Variants in IL17D observed in about 807,000 individuals in gnomAD.
The protein encoded by IL17D is interleukin-17D.
In IL17D, 10 loss-of-function variants were observed where a neutral mutation model predicts 5.7. The observed-to-expected ratio is 1.75, with a 90% CI of 1.08 to 2.97. IL17D has a LOEUF of 2.97. Among genes scored for constraint, IL17D ranks in the 30% most tolerant of loss-of-function variants. The pLI is 0.00. For missense variants in IL17D, 354 were observed against 292.7 expected (o/e 1.21, Z -1.53); for synonymous variants, 172 against 141.7 (o/e 1.21, Z -1.52).
chr13:20,703,912 C>T lies in IL17D; in HGVS notation c.-90C>T. ...GGCGAGGGGAGGCGCCCGCCGGCTC[C>T]GGGCGCCGCGGGCGGGACACGGGCG... On this transcript the variant is annotated 5_prime_UTR_variant, in exon 1 of 2. Coordinates refer to ENST00000682841, the MANE Select transcript of IL17D (RefSeq NM_001385224.1). 1.4e-6 allele frequency: 1 copy of T among 729,364 alleles called. No individual in the cohort carries two copies. 45.2% of individuals were successfully genotyped at this position (729,364 alleles called of 1,614,324 possible). A position where few individuals can be genotyped will look rare whatever the true frequency, so the allele number is the denominator to read the frequency against.
At chr13:20,702,712 AGACCAAGAGAT>A (rs2058554970), upstream of IL17D, 2 of 152,344 alleles carry the variant, frequency 1.3e-5, no homozygotes, top group South Asian at 4.2e-4. Flanking sequence ...TCGTCGTCAT[AGACCAAGAGAT>A]GCCCATGAAC....
chr13:20,718,950 C>T (rs1270075652), intron 1 of IL17D, among the ~76,000 whole-genome samples: 2 of 143,072 alleles, frequency 1.4e-5, no homozygotes, highest in Non-Finnish European at 3.1e-5. Context: ...TCACACCTGC[C>T]TCCACACACC....
intron 1 of IL17D, among the ~76,000 whole-genome samples, chr13:20,706,651 G>A (rs1230202318): frequency 6.6e-6 from 1 of 152,270 alleles, no homozygotes; most frequent in Non-Finnish European, 1.5e-5. Flanking sequence ...ACAATGACTG[G>A]TTGGAGCTCA....
chr13:20,704,322 G>C (rs1489625096), intron 1 of IL17D, 31 bp downstream of exon 1: 39 of 1,173,316 alleles, frequency 3.3e-5, no homozygotes, highest in Non-Finnish European at 4.1e-5. Flanking sequence ...GGCGGGGCCC[G>C]GCAGGTGGGG....
chr13:20,714,768 G>A (rs41404545), intron 1 of IL17D, among the ~76,000 whole-genome samples: 6,085 of 152,240 alleles, frequency 0.04, 396 homozygotes, highest in African/African-American at 0.14. Flanking sequence ...AGAAATGCAC[G>A]ACTGATGTTT....
chr13:20,704,229 G>A lies in IL17D; in HGVS notation c.228G>A (p.Arg76=). Residue 76 remains arginine, a synonymous_variant, in exon 1 of 2, where the codon AGG becomes AGA. Coordinates refer to ENST00000682841, the MANE Select transcript of IL17D (RefSeq NM_001385224.1). ...ARNASCPAGG[R]PADRRFRPPT... ...ACGCGAGCTGCCCGGCAGGGGGCAG[G>A]CCCGCCGACCGCCGCTTCCGGCCGC... is the stretch of plus-strand genomic sequence containing the variant. 2 of 1,325,562 alleles carry A rather than the reference G, an allele frequency of 1.5e-6. No individual in the cohort carries two copies. The highest frequency in any genetic ancestry group is 1.8e-5 in the South Asian group (1 of 56,422). The allele number at this position is 1,325,562 out of a possible 1,614,324, so 82.1% of individuals were successfully genotyped here. A position where few individuals can be genotyped will look rare whatever the true frequency, so the allele number is the denominator to read the frequency against.
intron 1 of IL17D, 84 bp from the exon 2 acceptor site, chr13:20,721,552 T>C: frequency 1.7e-6 from 2 of 1,210,262 alleles, no homozygotes; most frequent in South Asian, 3.1e-5. Context: ...CCCGAGGCCC[T>C]CCCCGGTGAC....
intron 1 of IL17D, among the ~76,000 whole-genome samples, chr13:20,720,770 A>T (rs41496645): frequency 1.3e-5 from 2 of 152,000 alleles, no homozygotes; most frequent in African/African-American, 4.8e-5. Context: ...TTCCGCAAGC[A>T]CAAGAGGTGG....
chr13:20,707,440 C>CAAAAA (rs57118714), intron 1 of IL17D, among the ~76,000 whole-genome samples: 2 of 75,832 alleles, frequency 2.6e-5, no homozygotes, highest in African/African-American at 5.1e-5. Flanking sequence ...GAACTTGTCT[C>CAAAAA]AAAAAAAAAA....
At chr13:20,715,674 G>A (rs552708948) in intron 1 of IL17D, among the ~76,000 whole-genome samples, 32 of 152,238 alleles carry the variant, frequency 2.1e-4, no homozygotes, top group African/African-American at 7.0e-4. Flanking sequence ...TTAAGTCTGA[G>A]AATTTGCATT....
chr13:20,721,962 C>A lies in IL17D; in HGVS notation c.*8C>A. On this transcript the variant is annotated 3_prime_UTR_variant, in exon 2 of 2. Coordinates refer to ENST00000682841, the MANE Select transcript of IL17D (RefSeq NM_001385224.1). The stretch of plus-strand genomic sequence containing the variant: ...GCGCCCGCTGGCCCCTGAGGCCGGT[C>A]CTGCCCCGGGAGGTCTCCCCGGCCC... 2 of 1,577,432 alleles carry A rather than the reference C, an allele frequency of 1.3e-6. No individual in the cohort carries two copies. Among genetic ancestry groups the A allele is most frequent in the Non-Finnish European group, 1.7e-6 (2 of 1,166,948 alleles).
chr13:20,712,319 T>A (rs1220095643), intron 1 of IL17D: 2 of 152,416 alleles, frequency 1.3e-5, no homozygotes, highest in Non-Finnish European at 2.9e-5. Flanking sequence ...CCGGGTGCAG[T>A]GGCTCATGCC....
At chr13:20,718,233 A>G (rs111684996) in intron 1 of IL17D, among the ~76,000 whole-genome samples, 8 of 152,246 alleles carry the variant, frequency 5.3e-5, no homozygotes, top group African/African-American at 1.7e-4. Flanking sequence ...GCAAGATCAC[A>G]TACAGACTAA....
chr13:20,722,546 A>C lies in IL17D; in HGVS notation c.*592A>C, dbSNP rs1457876185. The C allele has an allele frequency of 5.3e-5, 8 of 151,922 alleles. No homozygotes were observed. Among genetic ancestry groups the C allele is most frequent in the Admixed American group, 5.2e-4 (8 of 15,252 alleles). The allele number at this position is 151,922 out of a possible 1,614,324, so 9.4% of individuals were successfully genotyped here. On this transcript the variant is annotated 3_prime_UTR_variant, in exon 2 of 2. Transcript: ENST00000682841. ...CTTGGATAAATTTTGTAGCTGGTAC[A>C]CTCTGGCCTGGGTCTCTGAATTCAG...
Position 20,722,503 on chromosome 13 carries a change from T to A in IL17D, c.*549T>A, listed in dbSNP as rs191818092. The A allele has an allele frequency of 2.6e-5, 4 of 152,308 alleles. No individual in the cohort carries two copies. Among genetic ancestry groups the A allele is most frequent in the African/African-American group, 9.6e-5 (4 of 41,460 alleles). 9.4% of individuals were successfully genotyped at this position (152,308 alleles called of 1,614,324 possible). ...TTTTACTTCTTCTGGTAGAATTTTT[T>A]AAAGCATAATTGGAATCCTTGGATA... is the stretch of plus-strand genomic sequence containing the variant. On this transcript the variant is annotated 3_prime_UTR_variant, in exon 2 of 2. Transcript: ENST00000682841.
At chr13:20,702,290 G>C (rs1436169173), upstream of IL17D, 1 of 152,182 alleles carries the variant, frequency 6.6e-6, no homozygotes, top group Non-Finnish European at 1.5e-5. Context: ...TTTAGCAGTA[G>C]ATTACTAAGC....
At chr13:20,718,951 T>C (rs1467247686) in intron 1 of IL17D, among the ~76,000 whole-genome samples, 468 of 49,534 alleles carry the variant, frequency 9.4e-3, no homozygotes, top group Middle Eastern at 0.019. Context: ...CACACCTGCC[T>C]CCACACACCT....
upstream of IL17D, chr13:20,702,990 G>C (rs368312556): frequency 1.3e-5 from 2 of 152,254 alleles, no homozygotes; most frequent in Non-Finnish European, 2.9e-5. Flanking sequence ...CCTTAATAGA[G>C]AAATCTCTCT....
At chr13:20,704,387 G>A (rs1246705171) in intron 1 of IL17D, 96 bp downstream of exon 1, 10 of 264,848 alleles carry the variant, frequency 3.8e-5, no homozygotes, top group African/African-American at 1.1e-4. Flanking sequence ...CGGGCAGGCG[G>A]GGAGGGTGGG....
Sources: allele counts gnomAD v4.1 joint callset (sites outside exome capture counted in the v4.1 genomes callset), GRCh38; gene constraint gnomAD v4.1.1; transcripts MANE v1.5; gene names NCBI Gene and HGNC (gene_info 2026-07-23, HGNC 2026-07-21).